Variants in PDE8B observed in about 807,000 individuals in gnomAD.
PDE8B encodes phosphodiesterase 8B, also known as high affinity cAMP-specific and IBMX-insensitive 3',5'-cyclic phosphodiesterase 8B.
A neutral mutation model predicts 101.3 loss-of-function variants in PDE8B; 26 were observed. That is an observed-to-expected ratio of 0.26 (90% CI 0.19 to 0.36). The LOEUF (loss-of-function observed/expected upper bound fraction) is 0.36, where lower values mean the gene tolerates loss of function less well. Among genes scored for constraint, PDE8B ranks in the 10% least tolerant of loss-of-function variants. The pLI is 1.00. For synonymous variants in PDE8B, 424 were observed against 429.3 expected, an observed-to-expected ratio of 0.99 and a Z score of 0.15; for missense variants, 810 against 1,163.1, an observed-to-expected ratio of 0.70 and a Z score of 4.42.
chr5:77,168,516 T>C, the PDE8B span, among the ~76,000 whole-genome samples: 1 of 152,348 alleles, frequency 6.6e-6, no homozygotes, highest in East Asian at 1.9e-4. Flanking sequence ...CTCCTGCCCC[T>C]CTGAGGCAGG....
intron 7 of PDE8B, among the ~76,000 whole-genome samples, chr5:77,346,485 C>T (rs1371415315): frequency 1.3e-5 from 2 of 152,176 alleles, no homozygotes; most frequent in East Asian, 1.9e-4. Flanking sequence ...ATCTAACAAA[C>T]AACTTCTAGA....
At chr5:77,246,655 A>G (rs561121918) in intron 1 of PDE8B, 1 of 152,372 alleles carries the variant, frequency 6.6e-6, no homozygotes, top group East Asian at 1.9e-4. Context: ...TCACACTTGC[A>G]GAGTCGAATA....
chr5:77,239,985 CTAAGTT>C lies in PDE8B; in HGVS notation c.339+28727_339+28732del, dbSNP rs574310330. Among the ~76,000 whole-genome samples, 1,426 of 152,168 alleles carry C rather than the reference CTAAGTT, an allele frequency of 9.4e-3. 24 individuals are homozygous for C. The highest frequency in any genetic ancestry group is 0.032 in the African/African-American group (1,329 of 41,512). On this transcript the variant is annotated intron_variant, in intron 1 of 21. Transcript: ENST00000264917. Reference sequence around the variant, plus strand: ...TCGACGTCAGTCTCTCCAAGTGCATCTAAGTTTAAGTGTTTTGCTTCCTTCATCAGT... The same window carrying C: ...TCGACGTCAGTCTCTCCAAGTGCATCTAAGTGTTTTGCTTCCTTCATCAGT...
chr5:77,300,337 A>G (rs1340808709), intron 1 of PDE8B, among the ~76,000 whole-genome samples: 2 of 152,240 alleles, frequency 1.3e-5, no homozygotes, highest in Non-Finnish European at 2.9e-5. Context: ...GATTGAACAC[A>G]AAATGGTCTT....
chr5:77,187,598 T>C, the PDE8B span, among the ~76,000 whole-genome samples: 2 of 152,222 alleles, frequency 1.3e-5, no homozygotes, highest in African/African-American at 4.8e-5. Context: ...TTCCCTACAA[T>C]TAGTGGTATT....
intron 1 of PDE8B, among the ~76,000 whole-genome samples, chr5:77,213,510 C>T (rs1275652699): frequency 6.6e-6 from 1 of 152,054 alleles, no homozygotes; most frequent in African/African-American, 2.4e-5. Flanking sequence ...ATGTTCTGTG[C>T]CCTTTTGTTG....
At chr5:77,342,999 GACC>G (rs1213257895) in intron 6 of PDE8B, among the ~76,000 whole-genome samples, 29 of 152,342 alleles carry the variant, frequency 1.9e-4, no homozygotes, top group African/African-American at 7.0e-4. Context: ...ACTTCTCCAT[GACC>G]ACAACTGTGA....
the PDE8B span, among the ~76,000 whole-genome samples, chr5:77,178,876 G>C: frequency 1.3e-5 from 2 of 152,254 alleles, no homozygotes; most frequent in African/African-American, 4.8e-5. Flanking sequence ...GGCACCCTCA[G>C]TTCCCTGCCG....
chr5:77,329,441 AT>A (rs1039713127), intron 4 of PDE8B, among the ~76,000 whole-genome samples: 2 of 151,924 alleles, frequency 1.3e-5, no homozygotes, highest in East Asian at 1.9e-4. Flanking sequence ...GAAGAAACAC[AT>A]TTTTTTTCAT....
intron 1 of PDE8B, among the ~76,000 whole-genome samples, chr5:77,266,845 G>A (rs1296180260): frequency 6.6e-6 from 1 of 151,702 alleles, no homozygotes; most frequent in African/African-American, 2.4e-5. Context: ...TGCAGCATGG[G>A]GCTTATTATT....
At chr5:77,111,460 T>C in the PDE8B span, among the ~76,000 whole-genome samples, 1 of 152,162 alleles carries the variant, frequency 6.6e-6, no homozygotes, top group African/African-American at 2.4e-5. Flanking sequence ...TATTTTCAAG[T>C]ACATGAAATT....
chr5:77,190,836 GC>G, the PDE8B span, among the ~76,000 whole-genome samples: 2 of 152,178 alleles, frequency 1.3e-5, no homozygotes, highest in Admixed American at 1.3e-4. Context: ...GACAAAGTAG[GC>G]CCAAGAATAA....
At chr5:77,201,868 A>G in the PDE8B span, among the ~76,000 whole-genome samples, 40,515 of 152,094 alleles carry the variant, frequency 0.27, 5,863 homozygotes, top group South Asian at 0.33. Flanking sequence ...ATTTTCTCAC[A>G]ATTCTGGAGC....
chr5:77,268,752 C>A (rs1413485239), intron 1 of PDE8B, among the ~76,000 whole-genome samples: 1 of 151,536 alleles, frequency 6.6e-6, no homozygotes, highest in East Asian at 2.0e-4. Context: ...TCCTAACTAT[C>A]CATCAACAGA....
intron 1 of PDE8B, among the ~76,000 whole-genome samples, chr5:77,245,241 A>C (rs1160319736): frequency 1.3e-5 from 2 of 152,226 alleles, no homozygotes; most frequent in African/African-American, 4.8e-5. Flanking sequence ...CTACTCTCCA[A>C]ATTAGCGAAA....
intron 8 of PDE8B, 44 bp downstream of exon 8, chr5:77,349,603 T>A (rs1780730720): frequency 1.9e-6 from 3 of 1,610,366 alleles, no homozygotes; most frequent in Non-Finnish European, 2.5e-6. Flanking sequence ...CTCTCCCCAA[T>A]GCACTTTTTT....
At chr5:77,231,851 G>A (rs1753644546) in intron 1 of PDE8B, among the ~76,000 whole-genome samples, 1 of 152,234 alleles carries the variant, frequency 6.6e-6, no homozygotes, top group African/African-American at 2.4e-5. Context: ...TGCCAGGACA[G>A]GGCACTGAAG....
chr5:77,345,393 C>T (rs1214659303), intron 7 of PDE8B, among the ~76,000 whole-genome samples: 1 of 152,184 alleles, frequency 6.6e-6, no homozygotes, highest in South Asian at 2.1e-4. Flanking sequence ...CTCCTGACCT[C>T]AAGTGATCCA....
Position 77,419,843 on chromosome 5 carries a change from G to A in PDE8B, c.2206G>A (p.Val736Met), listed in dbSNP as rs781502256. ...ATEMTKHFEHVNKFVNSINKP... is the reference protein window; with the variant it reads ...ATEMTKHFEHMNKFVNSINKP... ...AGAGATGACAAAACACTTTGAACATGTGAATAAGTTTGTGAACAGCATCAA... is the reference window on the plus strand; with the variant it reads ...AGAGATGACAAAACACTTTGAACATATGAATAAGTTTGTGAACAGCATCAA... The change falls in exon 19 of 22, where the codon GTG (valine) becomes ATG (methionine). Residue 736 changes from valine to methionine, a missense_variant. By Grantham distance (21) the Val-to-Met change is conservative. Coordinates refer to ENST00000264917, the MANE Select transcript of PDE8B (RefSeq NM_003719.5). 3 of 1,614,146 alleles carry A rather than the reference G, an allele frequency of 1.9e-6. No individual in the cohort carries two copies. Among genetic ancestry groups the A allele is most frequent in the Admixed American group, 1.7e-5 (1 of 60,030 alleles).
Sources: gnomAD v4.1 joint callset for allele counts (sites outside exome capture counted in the v4.1 genomes callset) on GRCh38, gnomAD v4.1.1 for gene constraint, MANE v1.5 for transcripts, NCBI Gene and HGNC (gene_info 2026-07-23, HGNC 2026-07-21) for gene names.